ME3: variants seen among roughly 807,000 people sequenced by gnomAD.
ME3 encodes the protein malic enzyme 3.
ME3 carries 48 observed loss-of-function variants against 68.9 expected under a neutral mutation model. That is an observed-to-expected ratio of 0.70 (90% CI 0.55 to 0.89). The LOEUF (loss-of-function observed/expected upper bound fraction) is 0.89, where lower values mean the gene tolerates loss of function less well. ME3 is among the 40% of genes least tolerant of loss of function. ME3 has a pLI of 0.00. For missense variants in ME3, 675 were observed against 797.4 expected (o/e 0.85, Z 1.85); for synonymous variants, 320 against 318.8 (o/e 1.00, Z -0.04).
intron 6 of ME3, chr11:86,489,288 G>A (rs1019484368): frequency 6.6e-6 from 1 of 152,154 alleles, no homozygotes; most frequent in Non-Finnish European, 1.5e-5. Flanking sequence ...GGCAAGTCGT[G>A]GGGCCTCTTG....
intron 4 of ME3, among the ~76,000 whole-genome samples, chr11:86,532,778 G>A (rs898130682): frequency 4.6e-5 from 7 of 152,192 alleles, no homozygotes; most frequent in Non-Finnish European, 1.5e-5. Context: ...AGAAGAAAGG[G>A]CTCTGGCGTG....
chr11:86,658,594 T>C (rs959767271), intron 2 of ME3, among the ~76,000 whole-genome samples: 4 of 152,128 alleles, frequency 2.6e-5, no homozygotes, highest in Non-Finnish European at 5.9e-5. Context: ...TCACAGAACA[T>C]TGAATAGCTC....
chr11:86,442,682 AGCCTCTG>A, intron 14 of ME3, 132 bp downstream of exon 14: 1 of 639,782 alleles, frequency 1.6e-6, no homozygotes, highest in Admixed American at 3.4e-5. Context: ...TTTGTCACCC[AGCCTCTG>A]GGTTACAGGT....
At chr11:86,670,638 A>G (rs1209182388) in intron 2 of ME3, among the ~76,000 whole-genome samples, 1 of 152,142 alleles carries the variant, frequency 6.6e-6, no homozygotes, top group Non-Finnish European at 1.5e-5. Flanking sequence ...AGCCGCTTCT[A>G]TTAGTTCTGT....
At chr11:86,633,110 C>T (rs1944120123) in intron 2 of ME3, among the ~76,000 whole-genome samples, 1 of 152,150 alleles carries the variant, frequency 6.6e-6, no homozygotes, top group Non-Finnish European at 1.5e-5. Context: ...ATTGTGTGGC[C>T]AGGCTGAGGA....
chr11:86,559,821 C>G (rs1486567095), exon 3 of ME3: 4 of 1,613,102 alleles, frequency 2.5e-6, no homozygotes, highest in African/African-American at 2.7e-5. Flanking sequence ...TAAAGGCCAT[C>G]CCCTGGGAAA....
At chr11:86,522,327 CAA>C (rs1954382368) in intron 4 of ME3, among the ~76,000 whole-genome samples, 1 of 149,346 alleles carries the variant, frequency 6.7e-6, no homozygotes, top group East Asian at 1.9e-4. Flanking sequence ...AAAAATAACA[CAA>C]ATTAAAAATG....
At chr11:86,559,254 C>T (rs974646559) in intron 3 of ME3, among the ~76,000 whole-genome samples, 2 of 152,042 alleles carry the variant, frequency 1.3e-5, no homozygotes, top group African/African-American at 2.4e-5. Context: ...CCCTCTCCCC[C>T]ACCACGTCCC....
At chr11:86,526,855 C>A (rs1003716140) in intron 4 of ME3, among the ~76,000 whole-genome samples, 5 of 152,184 alleles carry the variant, frequency 3.3e-5, no homozygotes, top group Admixed American at 3.3e-4. Flanking sequence ...CCACACCAAA[C>A]CCCATCTGTA....
chr11:86,589,490 A>G (rs1486297842), intron 2 of ME3, among the ~76,000 whole-genome samples: 1 of 152,218 alleles, frequency 6.6e-6, no homozygotes, highest in Admixed American at 6.5e-5. Context: ...CTGAGATTCC[A>G]CAGAGGTGTC....
chr11:86,503,544 CCTT>C (rs1952861614), intron 5 of ME3, among the ~76,000 whole-genome samples: 1 of 152,250 alleles, frequency 6.6e-6, no homozygotes, highest in African/African-American at 2.4e-5. Flanking sequence ...CCCAACCTCT[CCTT>C]CTGCTCTATC....
chr11:86,526,066 G>A (rs537770182), intron 4 of ME3, among the ~76,000 whole-genome samples: 23 of 152,306 alleles, frequency 1.5e-4, no homozygotes, highest in African/African-American at 5.1e-4. Context: ...GAAGCAGGGC[G>A]AGGCATTGCC....
chr11:86,629,700 A>G (rs886082210), intron 2 of ME3, among the ~76,000 whole-genome samples: 4 of 152,244 alleles, frequency 2.6e-5, no homozygotes, highest in African/African-American at 9.6e-5. Context: ...GTTCAAGAGT[A>G]GTCCTGAGGA....
At chr11:86,619,586 A>T (rs1943215821) in intron 2 of ME3, among the ~76,000 whole-genome samples, 1 of 152,072 alleles carries the variant, frequency 6.6e-6, no homozygotes, top group African/African-American at 2.4e-5. Flanking sequence ...ATGAGATCTG[A>T]TGGTTTTATA....
At chr11:86,522,361 CTT>C (rs139483078) in intron 4 of ME3, among the ~76,000 whole-genome samples, 62 of 141,404 alleles carry the variant, frequency 4.4e-4, no homozygotes, top group Admixed American at 4.9e-4. Flanking sequence ...CTATTTTTTT[CTT>C]TTTTTTTTTT....
At chr11:86,483,933 C>T (rs77555218) in intron 7 of ME3, among the ~76,000 whole-genome samples, 10,196 of 152,224 alleles carry the variant, frequency 0.067, 377 homozygotes, top group Non-Finnish European at 0.084. Flanking sequence ...AGGTGGTGCC[C>T]GGGTACAATG....
intron 8 of ME3, among the ~76,000 whole-genome samples, chr11:86,456,134 G>A (rs11234660): frequency 7.1e-4 from 108 of 152,186 alleles, no homozygotes; most frequent in Non-Finnish European, 1.2e-3. Flanking sequence ...TGCCATTCCA[G>A]TTTGAGATGC....
chr11:86,449,332 T>G (rs1949501033), intron 10 of ME3, among the ~76,000 whole-genome samples: 1 of 152,208 alleles, frequency 6.6e-6, no homozygotes, highest in Non-Finnish European at 1.5e-5. Flanking sequence ...CCTCACACAT[T>G]AATTATGCAC....
At chr11:86,520,278 T>TG (rs1555221127) in intron 4 of ME3, among the ~76,000 whole-genome samples, 14 of 152,272 alleles carry the variant, frequency 9.2e-5, no homozygotes, top group African/African-American at 3.1e-4. Context: ...CTGGAATGGA[T>TG]GGGGGTTCCT....
Sources: gnomAD v4.1 joint callset for allele counts (sites outside exome capture counted in the v4.1 genomes callset) on GRCh38, gnomAD v4.1.1 for gene constraint, MANE v1.5 for transcripts, NCBI Gene and HGNC (gene_info 2026-07-23, HGNC 2026-07-21) for gene names.